The following ZNF469 variants were observed in gnomAD, a reference collection of about 807,000 sequenced individuals.
The protein encoded by ZNF469 is zinc finger protein 469.
A neutral mutation model predicts 1.0 loss-of-function variants in ZNF469; 1 was observed. The observed-to-expected ratio is 1.00, with a 90% CI of 0.35 to 4.73. The LOEUF is 4.73. ZNF469 is among the 30% of genes most tolerant of loss of function. The pLI, the probability that ZNF469 is intolerant of heterozygous loss-of-function variation, is 0.16. For synonymous variants in ZNF469, 2,703 were observed against 2,363.4 expected, an observed-to-expected ratio of 1.14 and a Z score of -4.17; for missense variants, 6,100 against 5,356.3, an observed-to-expected ratio of 1.14 and a Z score of -4.33.
the ZNF469 span, among the ~76,000 whole-genome samples, chr16:88,114,656 G>A: frequency 1.9e-4 from 29 of 152,344 alleles, no homozygotes; most frequent in Admixed American, 4.6e-4. Flanking sequence ...TGCCCTGGGC[G>A]TCTGGGACCC....
the ZNF469 span, among the ~76,000 whole-genome samples, chr16:88,328,904 C>T: frequency 6.6e-6 from 1 of 152,004 alleles, no homozygotes; most frequent in Non-Finnish European, 1.5e-5. Context: ...GAGGAGGAAG[C>T]GGAGGAGGCC....
chr16:88,417,453 C>T (rs749070904), intron 1 of ZNF469, among the ~76,000 whole-genome samples: 1 of 152,206 alleles, frequency 6.6e-6, no homozygotes, highest in Non-Finnish European at 1.5e-5. Flanking sequence ...ACACCCTGGA[C>T]GAGCCGTCTC....
chr16:88,264,733 C>G, the ZNF469 span, among the ~76,000 whole-genome samples: 3 of 152,182 alleles, frequency 2.0e-5, no homozygotes, highest in Admixed American at 2.0e-4. Context: ...CTCCCCCGAG[C>G]CCCTCCCAGT....
At chr16:88,331,231 T>C in the ZNF469 span, among the ~76,000 whole-genome samples, 49 of 85,088 alleles carry the variant, frequency 5.8e-4, no homozygotes, top group African/African-American at 1.2e-3. Context: ...ACCACCACCA[T>C]CACCACCATC....
chr16:88,431,694 G>A lies in ZNF469; in HGVS notation c.4224G>A (p.Pro1408=), dbSNP rs940044560. 49 of 1,550,368 alleles carry A rather than the reference G, an allele frequency of 3.2e-5. No homozygotes were observed. The highest frequency in any genetic ancestry group is 9.8e-5 in the East Asian group (4 of 40,920). ...CCAAGCCCTCAGCCAGGGATGCCCCGCCGGCCAGCAGCTCCTGCCTTTGCC... is the reference window on the plus strand; with the variant it reads ...CCAAGCCCTCAGCCAGGGATGCCCCACCGGCCAGCAGCTCCTGCCTTTGCC... The part of the protein sequence containing the change: ...LHPKPSARDA[P]PASSSCLCQD... Residue 1408 remains proline, a synonymous_variant, in exon 3 of 3, where the codon CCG becomes CCA. Transcript: ENST00000565624.
At position 88,437,473 on chromosome 16, in the gene ZNF469, C is replaced by A. The variant is rs1252058328; in HGVS notation, c.10003C>A (p.Pro3335Thr). ...ATPVHEACKDPSRDCHHCGKR... is the reference protein window; with the variant it reads ...ATPVHEACKDTSRDCHHCGKR... ...CCCGGTGCACGAGGCCTGCAAGGACCCCTCCCGCGACTGCCACCACTGCGG... is the reference window on the plus strand; with the variant it reads ...CCCGGTGCACGAGGCCTGCAAGGACACCTCCCGCGACTGCCACCACTGCGG... Residue 3335 changes from proline to threonine, a missense_variant, in exon 3 of 3, where the codon CCC becomes ACC. By Grantham distance (38) the Pro-to-Thr change is conservative. Transcript: ENST00000565624. 1 of 1,536,732 alleles carries A rather than the reference C, an allele frequency of 6.5e-7. No homozygotes were observed. Among genetic ancestry groups the A allele is most frequent in the East Asian group, 2.5e-5 (1 of 40,182 alleles).
chr16:88,308,825 C>A, the ZNF469 span, among the ~76,000 whole-genome samples: 24,586 of 152,142 alleles, frequency 0.16, 2,503 homozygotes, highest in East Asian at 0.28. Flanking sequence ...GCCATGAGAA[C>A]ATGCCTCTCA....
At chr16:88,153,645 G>A in the ZNF469 span, among the ~76,000 whole-genome samples, 13 of 152,342 alleles carry the variant, frequency 8.5e-5, no homozygotes, top group Admixed American at 5.9e-4. Flanking sequence ...AGCCCAGGCC[G>A]CCTGCAAGGC....
chr16:88,363,752 C>T, the ZNF469 span, among the ~76,000 whole-genome samples: 1 of 152,214 alleles, frequency 6.6e-6, no homozygotes, highest in African/African-American at 2.4e-5. Flanking sequence ...GAAAACACCA[C>T]AAATACTCAT....
At chr16:88,275,675 C>G in the ZNF469 span, among the ~76,000 whole-genome samples, 2 of 152,198 alleles carry the variant, frequency 1.3e-5, no homozygotes, top group Non-Finnish European at 2.9e-5. Context: ...GGCTCTGAAT[C>G]CCATGCAGCT....
the ZNF469 span, among the ~76,000 whole-genome samples, chr16:88,356,868 G>A: frequency 1.3e-5 from 2 of 152,354 alleles, no homozygotes; most frequent in African/African-American, 4.8e-5. Context: ...GCCAGGGTCC[G>A]CAGACTCTTG....
the ZNF469 span, among the ~76,000 whole-genome samples, chr16:88,320,491 C>T: frequency 3.3e-3 from 500 of 152,308 alleles, 1 homozygote; most frequent in African/African-American, 0.012. Flanking sequence ...TCAAGCAATT[C>T]TTCTGCCTCA....
the ZNF469 span, among the ~76,000 whole-genome samples, chr16:88,123,715 G>A: frequency 2.0e-5 from 3 of 152,134 alleles, no homozygotes; most frequent in Non-Finnish European, 4.4e-5. Flanking sequence ...TATTTTTCTA[G>A]TTTTTTCATT....
chr16:88,435,461 C>T lies in ZNF469; in HGVS notation c.7991C>T (p.Pro2664Leu). The change falls in exon 3 of 3, where the codon CCA becomes CTA. Residue 2664 changes from proline to leucine, a missense_variant. Pro to Leu is a moderately conservative substitution (Grantham distance 98). Transcript: ENST00000565624. Reference sequence around the variant, plus strand: ...ATTTCAGATGGGCGCGGCTCCAGACCATCCCCTGCAATGGCCAGTTACGCA... The same window carrying T: ...ATTTCAGATGGGCGCGGCTCCAGACTATCCCCTGCAATGGCCAGTTACGCA... The part of the protein sequence containing the change: ...DVISDGRGSR[P>L]SPAMASYAAS... 6.5e-7 allele frequency: 1 copy of T among 1,549,726 alleles called. No homozygotes were observed. Among genetic ancestry groups the T allele is most frequent in the Non-Finnish European group, 8.7e-7 (1 of 1,146,982 alleles).
the ZNF469 span, among the ~76,000 whole-genome samples, chr16:88,285,497 A>G: frequency 6.6e-6 from 1 of 152,376 alleles, no homozygotes; most frequent in South Asian, 2.1e-4. Flanking sequence ...CAGCGTGGGC[A>G]GGGCCACAAA....
chr16:88,223,119 GAT>G, the ZNF469 span, among the ~76,000 whole-genome samples: 1 of 152,220 alleles, frequency 6.6e-6, no homozygotes, highest in Non-Finnish European at 1.5e-5. Flanking sequence ...ATAGGGGAGT[GAT>G]ATGGTTTGGC....
At chr16:88,260,257 G>A in the ZNF469 span, among the ~76,000 whole-genome samples, 1 of 152,074 alleles carries the variant, frequency 6.6e-6, no homozygotes. This position sits in a 1 kb window ranked among gnomAD's most constrained non-coding sequence, Gnocchi z 4.1. Flanking sequence ...CCGAAGTGCT[G>A]GGTTGACAGG....
the ZNF469 span, among the ~76,000 whole-genome samples, chr16:88,322,213 G>T: frequency 2.6e-5 from 4 of 152,198 alleles, no homozygotes; most frequent in Admixed American, 2.6e-4. Flanking sequence ...TGTCAGAGCC[G>T]GGGGCGCTTT....
chr16:88,321,323 G>A, the ZNF469 span, among the ~76,000 whole-genome samples: 1 of 152,288 alleles, frequency 6.6e-6, no homozygotes, highest in Non-Finnish European at 1.5e-5. Context: ...GGGAAACCTT[G>A]GTTTTTGCCC....
Sources: gnomAD v4.1 joint callset for allele counts (sites outside exome capture counted in the v4.1 genomes callset) on GRCh38, gnomAD v4.1.1 for gene constraint, Gnocchi (gnomAD v3.1) non-coding constraint, MANE v1.5 for transcripts, NCBI Gene and HGNC (gene_info 2026-07-23, HGNC 2026-07-21) for gene names.